GREB1L: variants seen among roughly 807,000 people sequenced by gnomAD.
GREB1L encodes the protein GREB1 like retinoic acid receptor coactivator.
In GREB1L, 17 loss-of-function variants were observed where a neutral mutation model predicts 200.8. That is an observed-to-expected ratio of 0.08 (90% CI 0.06 to 0.13). The LOEUF is 0.13. Among genes scored for constraint, GREB1L ranks in the 10% least tolerant of loss-of-function variants. The pLI, the probability that GREB1L is intolerant of heterozygous loss-of-function variation, is 1.00. For synonymous variants in GREB1L, 789 were observed against 893.0 expected (o/e 0.88, Z 2.08); for missense variants, 1,657 against 2,367.7 (o/e 0.70, Z 6.23).
chr18:21,246,722 CTAT>C (rs1024196499), intron 1 of GREB1L, among the ~76,000 whole-genome samples: 2 of 152,040 alleles, frequency 1.3e-5, no homozygotes, highest in Non-Finnish European at 2.9e-5. Flanking sequence ...TATTTATTAG[CTAT>C]TATTATTATT....
rs1395788350 is a variant in GREB1L, at chr18:21,433,608, GGTGA to G, written c.833-5910_833-5907del. On this transcript the variant is annotated intron_variant, in intron 7 of 32. Transcript: ENST00000424526. ...TCCAGCAGACCTTAAATCACTCACA[GGTGA>G]GTAAGTCAGGCCCTTAGAGAAGCAT... is the stretch of plus-strand genomic sequence containing the variant. Among the ~76,000 whole-genome samples the G allele has an allele frequency of 2.0e-5, 3 of 152,330 alleles. No individual in the cohort carries two copies. In the East Asian group the frequency reaches 5.8e-4, roughly 29 times the overall value.
chr18:21,355,665 G>T (rs1210999815), intron 1 of GREB1L, among the ~76,000 whole-genome samples: 1 of 152,154 alleles, frequency 6.6e-6, no homozygotes, highest in African/African-American at 2.4e-5. Flanking sequence ...GCAATGAGAT[G>T]AAATCCAGCA....
chr18:21,394,228 G>A (rs1211094066), intron 4 of GREB1L, among the ~76,000 whole-genome samples: 4 of 152,150 alleles, frequency 2.6e-5, no homozygotes, highest in Non-Finnish European at 5.9e-5. Context: ...CAGAAAGTTG[G>A]GCTATCAAAG....
chr18:21,262,678 G>A (rs2037907660), intron 1 of GREB1L, among the ~76,000 whole-genome samples: 1 of 152,106 alleles, frequency 6.6e-6, no homozygotes, highest in South Asian at 2.1e-4. Flanking sequence ...TTAGTAGTTT[G>A]TCATTGTAAT....
chr18:21,398,289 A>C (rs549438307), intron 5 of GREB1L, among the ~76,000 whole-genome samples: 1 of 152,204 alleles, frequency 6.6e-6, no homozygotes, highest in Non-Finnish European at 1.5e-5. Context: ...TAGATTGCTC[A>C]TGCATATAAT....
chr18:21,467,697 T>C (rs1024695980), intron 15 of GREB1L, among the ~76,000 whole-genome samples: 1 of 152,176 alleles, frequency 6.6e-6, no homozygotes, highest in African/African-American at 2.4e-5. Flanking sequence ...TGATTAAATA[T>C]AGAGTTACTC....
intron 1 of GREB1L, among the ~76,000 whole-genome samples, chr18:21,362,666 T>C (rs2143574252): frequency 6.6e-6 from 1 of 152,362 alleles, no homozygotes; most frequent in South Asian, 2.1e-4. Context: ...ATAATTGGCA[T>C]TGACCACATG....
intron 12 of GREB1L, among the ~76,000 whole-genome samples, chr18:21,450,038 T>C (rs1236087908): frequency 6.6e-6 from 1 of 152,200 alleles, no homozygotes; most frequent in African/African-American, 2.4e-5. Context: ...CTGGTGCCCC[T>C]GTCAGCTGGT....
chr18:21,251,602 A>G lies in GREB1L; in HGVS notation c.-120+9209A>G, dbSNP rs573819106. ...AAAGCAAGAACCATAAATAAATGCC[A>G]TAGACATATGATAGATTGGGGAAAA... On this transcript the variant is annotated intron_variant, in intron 1 of 32. Coordinates refer to ENST00000424526, the MANE Select transcript of GREB1L (RefSeq NM_001142966.3). Among the ~76,000 whole-genome samples the G allele has an allele frequency of 2.0e-5, 3 of 152,346 alleles. No homozygotes were observed. In the South Asian group the frequency reaches 6.2e-4, roughly 32 times the overall value.
At chr18:21,261,060 A>C (rs2037882754) in intron 1 of GREB1L, among the ~76,000 whole-genome samples, 1 of 152,010 alleles carries the variant, frequency 6.6e-6, no homozygotes, top group African/African-American at 2.4e-5. Flanking sequence ...AGGCTGTGGA[A>C]ATACATTTCT....
At chr18:21,482,019 G>A (rs73960436) in intron 17 of GREB1L, among the ~76,000 whole-genome samples, 5,954 of 152,268 alleles carry the variant, frequency 0.039, 392 homozygotes, top group African/African-American at 0.14. Flanking sequence ...GCTACTGAGA[G>A]GCAGTTCATT....
Position 21,404,000 on chromosome 18 carries a change from G to A in GREB1L, c.832+6G>A. ...ATCAGGATTCACTCAGACAGGTATGGGATATTTTCTTTTGGCATTTCAAGC... is the reference window on the plus strand; with the variant it reads ...ATCAGGATTCACTCAGACAGGTATGAGATATTTTCTTTTGGCATTTCAAGC... On this transcript the variant is annotated splice_donor_region_variant and intron_variant, in intron 7 of 32. Transcript: ENST00000424526. 3 of 1,549,816 alleles carry A rather than the reference G, an allele frequency of 1.9e-6. No homozygotes were observed. The highest frequency in any genetic ancestry group is 2.6e-6 in the Non-Finnish European group (3 of 1,145,658).
chr18:21,378,885 G>T (rs577955129), intron 2 of GREB1L, among the ~76,000 whole-genome samples: 2 of 150,598 alleles, frequency 1.3e-5, no homozygotes, highest in African/African-American at 2.4e-5. Context: ...TTTTTTTCGG[G>T]GGGGGACAGG....
intron 15 of GREB1L, among the ~76,000 whole-genome samples, chr18:21,472,202 G>A (rs2035510156): frequency 6.6e-6 from 1 of 152,130 alleles, no homozygotes; most frequent in Admixed American, 6.6e-5. Flanking sequence ...ATTGTTCACT[G>A]AGCTGCATTT....
chr18:21,271,491 T>TA (rs549329511), intron 1 of GREB1L, among the ~76,000 whole-genome samples: 6,750 of 140,520 alleles, frequency 0.048, 274 homozygotes, highest in Admixed American at 0.13. Context: ...TATAAAAAGC[T>TA]AAAAAAAAAA....
intron 1 of GREB1L, among the ~76,000 whole-genome samples, chr18:21,335,428 A>G (rs2039169355): frequency 6.6e-6 from 1 of 152,208 alleles, no homozygotes; most frequent in South Asian, 2.1e-4. Context: ...TCTTCATTCC[A>G]AAAACAAATG....
intron 2 of GREB1L, among the ~76,000 whole-genome samples, chr18:21,367,318 A>G (rs1848066772): frequency 6.6e-6 from 1 of 152,218 alleles, no homozygotes; most frequent in African/African-American, 2.4e-5. Flanking sequence ...ATAAGAGTCA[A>G]TATAGGTCTG....
chr18:21,345,871 C>CA (rs34189374), intron 1 of GREB1L, among the ~76,000 whole-genome samples: 9,737 of 75,990 alleles, frequency 0.13, 438 homozygotes, highest in Non-Finnish European at 0.15. Flanking sequence ...GACTCCATCT[C>CA]AAAAAAAAAA....
chr18:21,456,296 T>C (rs1159628219), intron 15 of GREB1L, among the ~76,000 whole-genome samples: 1 of 152,186 alleles, frequency 6.6e-6, no homozygotes, highest in African/African-American at 2.4e-5. Context: ...TCTTGCTTGA[T>C]TGTACTTTTA....
Sources: gnomAD v4.1 joint callset for allele counts (sites outside exome capture counted in the v4.1 genomes callset) on GRCh38, gnomAD v4.1.1 for gene constraint, MANE v1.5 for transcripts, NCBI Gene and HGNC (gene_info 2026-07-23, HGNC 2026-07-21) for gene names.